The following ADGRL3 variants were observed in gnomAD, a reference collection of about 807,000 sequenced individuals.
ADGRL3 encodes adhesion G protein-coupled receptor L3, also known as calcium-independent alpha-latrotoxin receptor 3.
Under a neutral mutation model 153.5 loss-of-function variants are expected in ADGRL3, and 62 were observed. The ratio of observed to expected loss-of-function variants is 0.40; its 90% confidence interval spans 0.33 to 0.50. The LOEUF is 0.50. ADGRL3 is among the 20% of genes least tolerant of loss of function. ADGRL3 has a pLI of 0.47. For synonymous variants in ADGRL3, 710 were observed against 672.5 expected (o/e 1.06, Z -0.86); for missense variants, 1,641 against 1,859.4 (o/e 0.88, Z 2.16).
chr4:61,258,230 T>G (rs1226045005), intron 1 of ADGRL3, among the ~76,000 whole-genome samples: 2 of 152,108 alleles, frequency 1.3e-5, no homozygotes, highest in Non-Finnish European at 2.9e-5. Context: ...AATCCCCAAA[T>G]GAGGAGACAC....
chr4:61,970,201 A>C (rs2099021884), intron 17 of ADGRL3, among the ~76,000 whole-genome samples: 1 of 152,138 alleles, frequency 6.6e-6, no homozygotes, highest in African/African-American at 2.4e-5. Flanking sequence ...AAAATAAATA[A>C]GCTCTTCTAA....
At chr4:61,865,293 T>A (rs1438281105) in intron 9 of ADGRL3, among the ~76,000 whole-genome samples, 1 of 152,190 alleles carries the variant, frequency 6.6e-6, no homozygotes, top group Non-Finnish European at 1.5e-5. Flanking sequence ...TCTAAGTAGT[T>A]TTGAAAGAAA....
rs571792773 is a variant in ADGRL3 at position 62,072,318 on chromosome 4, A to G, written c.*1410A>G. On this transcript the variant is annotated 3_prime_UTR_variant, in exon 27 of 27. Coordinates refer to ENST00000683033, the MANE Select transcript of ADGRL3 (RefSeq NM_001387552.1). ...TACAAAAGGTAAATTAGCAGCACAT[A>G]TAATTTTTTTTTAATTTATGATCCA... 1.7e-4 allele frequency: 26 copies of G among 152,692 alleles called. No homozygotes were observed. The highest frequency in any genetic ancestry group is 9.7e-4 in the East Asian group (5 of 5,174). 9.5% of individuals were successfully genotyped at this position (152,692 alleles called of 1,614,324 possible).
chr4:61,860,629 G>A (rs2098331086), intron 9 of ADGRL3, among the ~76,000 whole-genome samples: 1 of 152,010 alleles, frequency 6.6e-6, no homozygotes, highest in Non-Finnish European at 1.5e-5. Context: ...TACTCCATCT[G>A]CGGTCCTTCC....
At chr4:61,448,875 A>AAGAAGGGAGAGAGGG (rs1553932440) in intron 2 of ADGRL3, among the ~76,000 whole-genome samples, 16 of 39,650 alleles carry the variant, frequency 4.0e-4, no homozygotes, top group African/African-American at 9.2e-4. Context: ...GGAAGGAAGG[A>AAGAAGGGAGAGAGGG]AAGGAAGGAA....
At chr4:61,637,030 A>G (rs1351117452) in intron 5 of ADGRL3, among the ~76,000 whole-genome samples, 1 of 152,178 alleles carries the variant, frequency 6.6e-6, no homozygotes, top group African/African-American at 2.4e-5. Flanking sequence ...ACTGTGATAT[A>G]TATTAAAGGT....
In ADGRL3 at chr4:61,825,036, T is replaced by TG. The variant is rs2097788296; in HGVS notation, c.1480+11149dup. On this transcript the variant is annotated intron_variant, in intron 9 of 26. Coordinates refer to ENST00000683033, the MANE Select transcript of ADGRL3 (RefSeq NM_001387552.1). ...CTTAGCATCGACACTAAGAAGCACT[T>TG]GGCTCTCTCAATGCCAAGAAGCACT... 4.6e-5 allele frequency among the ~76,000 whole-genome samples: 7 copies of TG among 152,260 alleles called. No individual in the cohort carries two copies. The South Asian group carries it at 1.4e-3, about 32-fold the overall frequency.
chr4:61,504,844 T>G (rs1005268830), intron 3 of ADGRL3, among the ~76,000 whole-genome samples: 3 of 152,256 alleles, frequency 2.0e-5, no homozygotes, highest in African/African-American at 7.2e-5. Flanking sequence ...CACATTTTCT[T>G]TATCCATTCA....
chr4:61,560,016 C>T (rs1474006841), intron 4 of ADGRL3, among the ~76,000 whole-genome samples: 1 of 152,050 alleles, frequency 6.6e-6, no homozygotes, highest in Non-Finnish European at 1.5e-5. Context: ...AAGTACTAAT[C>T]CTTCAAGATT....
At position 61,730,003 on chromosome 4, in the gene ADGRL3, C is replaced by T. The variant is rs537440093; in HGVS notation, c.584-619C>T. Among the ~76,000 whole-genome samples the T allele has an allele frequency of 1.2e-4, 18 of 151,862 alleles. No individual in the cohort carries two copies. In the East Asian group the frequency reaches 2.1e-3, roughly 18 times the overall value. On this transcript the variant is annotated intron_variant, in intron 6 of 26. Coordinates refer to ENST00000683033, the MANE Select transcript of ADGRL3 (RefSeq NM_001387552.1). The stretch of plus-strand genomic sequence containing the variant: ...CACAGTAATATCAAATACTAATGAG[C>T]GGGAGGGAGAAAACTTTCTTCAATA...
At chr4:61,370,319 G>A (rs981492198) in intron 1 of ADGRL3, among the ~76,000 whole-genome samples, 44 of 151,474 alleles carry the variant, frequency 2.9e-4, no homozygotes, top group African/African-American at 1.0e-3. Context: ...TAATTGTGAT[G>A]TTAGGGTGTC....
intron 1 of ADGRL3, among the ~76,000 whole-genome samples, chr4:61,288,626 G>T (rs1391165115): frequency 1.3e-5 from 2 of 152,000 alleles, no homozygotes; most frequent in African/African-American, 4.8e-5. Flanking sequence ...GGTGGTAAAT[G>T]CATATCTGAA....
At chr4:61,391,609 T>C (rs1191311219) in intron 2 of ADGRL3, among the ~76,000 whole-genome samples, 1 of 152,166 alleles carries the variant, frequency 6.6e-6, no homozygotes, top group African/African-American at 2.4e-5. Flanking sequence ...TTGCTGGTCA[T>C]ATAGTAAGTC....
chr4:61,775,683 A>G (rs2097139657), intron 8 of ADGRL3: 1 of 1,492,720 alleles, frequency 6.7e-7, no homozygotes, highest in Non-Finnish European at 9.2e-7. Context: ...CAGGCTCATC[A>G]CAGTTGGATG....
chr4:61,340,803 A>G (rs2095792577), intron 1 of ADGRL3, among the ~76,000 whole-genome samples: 1 of 151,522 alleles, frequency 6.6e-6, no homozygotes, highest in East Asian at 1.9e-4. Flanking sequence ...TGTTTGCTGT[A>G]TTATATATTT....
chr4:61,660,023 G>T (rs1413292695), intron 5 of ADGRL3, among the ~76,000 whole-genome samples: 1 of 152,074 alleles, frequency 6.6e-6, no homozygotes, highest in Non-Finnish European at 1.5e-5. Flanking sequence ...GATATTCAGG[G>T]AGCACTCTCA....
At chr4:61,566,560 A>C (rs1007600648) in intron 4 of ADGRL3, among the ~76,000 whole-genome samples, 12 of 152,174 alleles carry the variant, frequency 7.9e-5, no homozygotes, top group African/African-American at 2.7e-4. Flanking sequence ...TTAAAATATC[A>C]ACCTTTTCGT....
At chr4:61,782,392 G>T (rs2097223296) in intron 8 of ADGRL3, among the ~76,000 whole-genome samples, 1 of 152,082 alleles carries the variant, frequency 6.6e-6, no homozygotes, top group Non-Finnish European at 1.5e-5. Flanking sequence ...TAGCTTAGCA[G>T]CATTGCTTAT....
chr4:61,679,317 C>G (rs1250526004), intron 6 of ADGRL3, among the ~76,000 whole-genome samples: 2 of 152,006 alleles, frequency 1.3e-5, no homozygotes, highest in African/African-American at 4.8e-5. Flanking sequence ...CTGCGTGGCC[C>G]ATCTCCAACA....
Sources: allele counts gnomAD v4.1 joint callset (sites outside exome capture counted in the v4.1 genomes callset), GRCh38; gene constraint gnomAD v4.1.1; transcripts MANE v1.5; gene names NCBI Gene and HGNC (gene_info 2026-07-23, HGNC 2026-07-21).